Variants in IPO11 observed in about 807,000 individuals in gnomAD.
IPO11 encodes the protein importin-11.
In IPO11, 66 loss-of-function variants were observed where a neutral mutation model predicts 143.2. That is an observed-to-expected ratio of 0.46 (90% CI 0.38 to 0.57). The LOEUF (loss-of-function observed/expected upper bound fraction) is 0.57, where lower values mean the gene tolerates loss of function less well. IPO11 is among the 20% of genes least tolerant of loss of function. IPO11 has a pLI of 0.00. For synonymous variants in IPO11, 385 were observed against 377.8 expected (o/e 1.02, Z -0.22); for missense variants, 1,026 against 1,141.0 (o/e 0.90, Z 1.45).
intron 29 of IPO11, among the ~76,000 whole-genome samples, chr5:62,606,894 G>A (rs1238337557): frequency 6.6e-6 from 1 of 152,192 alleles, no homozygotes; most frequent in Non-Finnish European, 1.5e-5. Flanking sequence ...TAAACTATAC[G>A]TTAGGTTGAG....
intron 29 of IPO11, among the ~76,000 whole-genome samples, chr5:62,619,287 T>C (rs1159460759): frequency 1.3e-5 from 2 of 152,166 alleles, no homozygotes; most frequent in East Asian, 1.9e-4. Flanking sequence ...CCACACTTCT[T>C]TCTTCTTTTG....
At chr5:62,447,098 A>G (rs1012052371) in intron 3 of IPO11, among the ~76,000 whole-genome samples, 1 of 150,798 alleles carries the variant, frequency 6.6e-6, no homozygotes, top group Admixed American at 6.6e-5. Flanking sequence ...TTGGTTCATA[A>G]TTATATATAT....
intron 20 of IPO11, among the ~76,000 whole-genome samples, chr5:62,519,623 C>G (rs142057181): frequency 2.2e-3 from 337 of 152,228 alleles, no homozygotes; most frequent in African/African-American, 7.6e-3. Flanking sequence ...TGTTTCCAAC[C>G]TCCACCCTTG....
At chr5:62,617,618 A>ATT (rs1441523795) in intron 29 of IPO11, among the ~76,000 whole-genome samples, 1 of 152,076 alleles carries the variant, frequency 6.6e-6, no homozygotes, top group African/African-American at 2.4e-5. Context: ...ACAATTCCCT[A>ATT]TTATTTAATT....
chr5:62,489,995 TTAAA>T (rs1224627073), intron 14 of IPO11, 116 bp from the exon 15 acceptor site: 2 of 457,752 alleles, frequency 4.4e-6, no homozygotes, highest in Admixed American at 3.9e-5. Flanking sequence ...TTATTTCTAC[TTAAA>T]TAATTTCCCT....
intron 1 of IPO11, among the ~76,000 whole-genome samples, chr5:62,420,751 T>C (rs1743486066): frequency 6.6e-6 from 1 of 152,076 alleles, no homozygotes; most frequent in Non-Finnish European, 1.5e-5. Flanking sequence ...AGCTAACTTT[T>C]TGTTTTTTTA....
intron 29 of IPO11, among the ~76,000 whole-genome samples, chr5:62,608,321 C>T (rs1745804193): frequency 6.6e-6 from 1 of 152,140 alleles, no homozygotes; most frequent in African/African-American, 2.4e-5. Flanking sequence ...CAAGCTATAG[C>T]CCTCACCCTC....
chr5:62,547,632 A>G (rs1341809886), intron 24 of IPO11, among the ~76,000 whole-genome samples: 1 of 151,976 alleles, frequency 6.6e-6, no homozygotes, highest in Non-Finnish European at 1.5e-5. Flanking sequence ...TTATCCCTGA[A>G]ATATTTGTGT....
intron 3 of IPO11, 198 bp downstream of exon 3, chr5:62,443,281 A>T (rs932807383): frequency 1.2e-4 from 51 of 426,880 alleles, no homozygotes; most frequent in Middle Eastern, 4.1e-4. Flanking sequence ...TTTGATATTT[A>T]AAAAAAATGC....
intron 27 of IPO11, among the ~76,000 whole-genome samples, chr5:62,588,283 G>C (rs1744879102): frequency 6.6e-6 from 1 of 150,844 alleles, no homozygotes; most frequent in Admixed American, 6.6e-5. Flanking sequence ...CTGGAGTGTA[G>C]TGGTGCCATC....
chr5:62,602,273 C>T (rs989321549), intron 29 of IPO11, among the ~76,000 whole-genome samples: 6 of 151,974 alleles, frequency 3.9e-5, no homozygotes, highest in African/African-American at 1.5e-4. Context: ...TAACCACTAA[C>T]TTGTTGTAAA....
intron 5 of IPO11, among the ~76,000 whole-genome samples, chr5:62,466,336 A>T (rs370069180): frequency 4.6e-5 from 7 of 152,330 alleles, no homozygotes; most frequent in African/African-American, 1.7e-4. Flanking sequence ...TTTTAACAGG[A>T]TTGCAGCTCT....
chr5:62,570,296 T>C (rs1744093263), intron 27 of IPO11, among the ~76,000 whole-genome samples: 1 of 152,202 alleles, frequency 6.6e-6, no homozygotes, highest in East Asian at 1.9e-4. Flanking sequence ...AAACCAGATA[T>C]TCCCCTCTCC....
rs1271762915 is a variant in IPO11 at position 62,467,158 on chromosome 5, T to C, written c.544T>C (p.Cys182Arg). 2 of 1,609,394 alleles carry C rather than the reference T, an allele frequency of 1.2e-6. No homozygotes were observed. The highest frequency in any genetic ancestry group is 4.5e-5 in the East Asian group (2 of 44,872). Residue 182 changes from cysteine to arginine, a missense_variant, in exon 6 of 30, where the codon TGC (cysteine) becomes CGC (arginine). Physicochemically the swap from Cys to Arg is radical, Grantham distance 180. Coordinates refer to ENST00000325324, the MANE Select transcript of IPO11 (RefSeq NM_016338.5). Reference sequence around the variant, plus strand: ...AGCTTCTGGAATTTATAATTTTGCCTGCTCTCTGTGGAATCACCACACAGA... The same window carrying C: ...AGCTTCTGGAATTTATAATTTTGCCCGCTCTCTGTGGAATCACCACACAGA... ...DLASGIYNFA[C>R]SLWNHHTDTF...
At chr5:62,503,392 ATTAATATATTAATAGTAT>A (rs1741421349) in intron 16 of IPO11, among the ~76,000 whole-genome samples, 3 of 145,382 alleles carry the variant, frequency 2.1e-5, no homozygotes, top group African/African-American at 5.0e-5. Context: ...AATAGTATCT[ATTAATATATTAATAGTAT>A]CTATTAATAT....
intron 20 of IPO11, among the ~76,000 whole-genome samples, chr5:62,525,356 C>CTTTTT (rs70981021): frequency 2.1e-5 from 3 of 144,568 alleles, no homozygotes; most frequent in South Asian, 2.2e-4. Context: ...TCCTCCCATC[C>CTTTTT]TTTTTTTTTT....
chr5:62,610,654 A>G (rs1382843028), intron 29 of IPO11, among the ~76,000 whole-genome samples: 1 of 152,232 alleles, frequency 6.6e-6, no homozygotes, highest in African/African-American at 2.4e-5. Context: ...AAGTAATCAA[A>G]TAATCAAGTG....
chr5:62,495,618 G>A (rs1040137901), intron 16 of IPO11, among the ~76,000 whole-genome samples: 4 of 152,108 alleles, frequency 2.6e-5, no homozygotes, highest in African/African-American at 9.7e-5. Context: ...GGGACTATAT[G>A]CACCACAACG....
intron 26 of IPO11, 81 bp from the exon 27 acceptor site, chr5:62,561,055 G>A (rs748986942): frequency 4.8e-6 from 6 of 1,246,438 alleles, no homozygotes; most frequent in Non-Finnish European, 6.6e-6. Context: ...CATGACTTAT[G>A]AGGCTTTAGC....
Sources: allele counts gnomAD v4.1 joint callset (sites outside exome capture counted in the v4.1 genomes callset), GRCh38; gene constraint gnomAD v4.1.1; transcripts MANE v1.5; gene names NCBI Gene and HGNC (gene_info 2026-07-23, HGNC 2026-07-21).